TREML1: variants seen among roughly 807,000 people sequenced by gnomAD.
TREML1 encodes trem-like transcript 1 protein.
A neutral mutation model predicts 22.8 loss-of-function variants in TREML1; 27 were observed. That is an observed-to-expected ratio of 1.19 (90% CI 0.87 to 1.64). The LOEUF is 1.64. Among genes scored for constraint, TREML1 ranks in the 40% most tolerant of loss-of-function variants. TREML1 has a pLI of 0.00. For missense variants in TREML1, 356 were observed against 382.0 expected, an observed-to-expected ratio of 0.93 and a Z score of 0.57; for synonymous variants, 153 against 161.9, an observed-to-expected ratio of 0.94 and a Z score of 0.42.
In TREML1 at chr6:41,149,502, T is replaced by A; in HGVS notation, c.*102A>T. On this transcript the variant is annotated 3_prime_UTR_variant, in exon 6 of 6. Coordinates refer to ENST00000426005, the MANE Select transcript of TREML1 (RefSeq NM_178174.4). ...ACATTGGATTAGATCTTAAAGTCCC[T>A]GGTTGCTCAGATATCCTAAGGATCC... 1 of 1,263,684 alleles carries A rather than the reference T, an allele frequency of 7.9e-7. No individual in the cohort carries two copies. Among genetic ancestry groups the A allele is most frequent in the Non-Finnish European group, 1.1e-6 (1 of 902,950 alleles). 78.3% of individuals were successfully genotyped at this position (1,263,684 alleles called of 1,614,324 possible).
chr6:41,149,329 C>T, downstream of TREML1: 1 of 345,536 alleles, frequency 2.9e-6, no homozygotes, highest in East Asian at 4.8e-5. Context: ...CTTTCCCATT[C>T]AGCCATTAAG....
intron 3 of TREML1, 126 bp from the exon 4 acceptor site, chr6:41,151,033 G>T: frequency 1.2e-6 from 1 of 842,658 alleles, no homozygotes; most frequent in Middle Eastern, 2.4e-4. Context: ...AATAGAATGA[G>T]GGGAGCTGAC....
rs2113871017 is a variant in TREML1 at position 41,153,849 on chromosome 6, C to T, written c.285G>A (p.Gln95=). ...GLLQVEMVTL[Q]EEDAGEYGCM... Reference sequence around the variant, plus strand: ...AGCCATACTCGCCAGCATCCTCTTCCTGCAGGGTAACCATTTCCACCTGCA... The same window carrying T: ...AGCCATACTCGCCAGCATCCTCTTCTTGCAGGGTAACCATTTCCACCTGCA... The change falls in exon 2 of 6, where the codon CAG becomes CAA. Residue 95 remains glutamine, a synonymous_variant. Coordinates refer to ENST00000426005, the MANE Select transcript of TREML1 (RefSeq NM_178174.4). The T allele has an allele frequency of 1.2e-6, 2 of 1,614,208 alleles. No individual in the cohort carries two copies. The highest frequency in any genetic ancestry group is 1.3e-5 in the African/African-American group (1 of 75,050).
intron 4 of TREML1, 76 bp downstream of exon 4, chr6:41,150,743 A>G: frequency 7.5e-7 from 1 of 1,330,574 alleles, no homozygotes; most frequent in Non-Finnish European, 1.1e-6. Context: ...TTGGACCTAG[A>G]CTCCTGGCCT....
At position 41,149,656 on chromosome 6, in the gene TREML1, G is replaced by GTCCCTCCACCCTTGT; in HGVS notation, c.869_883dup (p.Asn290_Gly294dup). ...TGGATTCTGGGCTGGCCCACACGAG[G>GTCCCTCCACCCTTGT]TCCCTCCACCCTTGTTCCCTCCCGG... On this transcript the variant is annotated inframe_insertion, in exon 6 of 6. Transcript: ENST00000426005. 1.2e-6 allele frequency: 2 copies of GTCCCTCCACCCTTGT among 1,614,066 alleles called. No individual in the cohort carries two copies. The highest frequency in any genetic ancestry group is 1.7e-6 in the Non-Finnish European group (2 of 1,179,984).
chr6:41,150,174 T>G (rs2113865569), intron 5 of TREML1, 87 bp downstream of exon 5: 1 of 1,462,494 alleles, frequency 6.8e-7, no homozygotes, highest in East Asian at 2.3e-5. Context: ...CAGTCCTTTC[T>G]CCACCCCATC....
At chr6:41,154,907 T>C (rs1011336537), upstream of TREML1, among the ~76,000 whole-genome samples, 1 of 152,162 alleles carries the variant, frequency 6.6e-6, no homozygotes, top group Non-Finnish European at 1.5e-5. Flanking sequence ...TACATGTCCA[T>C]TTTCTTCTCC....
chr6:41,155,375 T>TTTTCTCTCTCTCTCTCTCTC (rs1765393338), upstream of TREML1, among the ~76,000 whole-genome samples: 1 of 136,726 alleles, frequency 7.3e-6, no homozygotes, highest in African/African-American at 3.0e-5. Flanking sequence ...GAGTAAACGT[T>TTTTCTCTCTCTCTCTCTCTC]TCTCTCTCTC....
chr6:41,150,228 G>A (rs772732303), intron 5 of TREML1, 33 bp downstream of exon 5: 7 of 1,611,402 alleles, frequency 4.3e-6, no homozygotes, highest in East Asian at 2.2e-5. Context: ...AAAGTCTGGG[G>A]AATTTGGCTG....
chr6:41,151,019 A>T, intron 3 of TREML1, 112 bp from the exon 4 acceptor site: 2 of 897,376 alleles, frequency 2.2e-6, no homozygotes, highest in South Asian at 2.9e-5. Flanking sequence ...GGAGAGGGAG[A>T]TGAAATAGAA....
At chr6:41,152,455 A>G (rs1765283458) in intron 2 of TREML1, among the ~76,000 whole-genome samples, 1 of 152,166 alleles carries the variant, frequency 6.6e-6, no homozygotes, top group Admixed American at 6.5e-5. Context: ...GTGTCAAGGA[A>G]TGAGGAGGGC....
chr6:41,153,758 C>G lies in TREML1; in HGVS notation c.376G>C (p.Glu126Gln). 6.2e-7 allele frequency: 1 copy of G among 1,601,676 alleles called. No homozygotes were observed. The highest frequency in any genetic ancestry group is 8.5e-7 in the Non-Finnish European group (1 of 1,172,906). Reference protein sequence around the residue: ...HRVSLNILPPEEEEETHKIGS... With the variant: ...HRVSLNILPPQEEEETHKIGS... ...TGGTAGCTGGCCTAGGATAACTCAC[C>G]TGGGGGCAGTATGTTCAGAGAGACT... Residue 126 changes from glutamate (E) to glutamine (Q), a missense_variant and splice_region_variant, in exon 2 of 6, where the codon GAG (glutamate) becomes CAG (glutamine). Coordinates refer to ENST00000426005, the MANE Select transcript of TREML1 (RefSeq NM_178174.4).
Position 41,153,833 on chromosome 6 carries a change from C to A in TREML1, c.301G>T (p.Glu101Ter). 6.2e-7 allele frequency: 1 copy of A among 1,614,176 alleles called. No homozygotes were observed. Among genetic ancestry groups the A allele is most frequent in the Non-Finnish European group, 8.5e-7 (1 of 1,180,010 alleles). The change falls in exon 2 of 6, where the codon GAG becomes TAG. Residue 101 changes from glutamate (E) to a stop codon, truncating the protein, a stop_gained. Coordinates refer to ENST00000426005, the MANE Select transcript of TREML1 (RefSeq NM_178174.4). LOFTEE classifies it high-confidence loss of function. ...GCCCCATCCACCATGCAGCCATACT[C>A]GCCAGCATCCTCTTCCTGCAGGGTA... ...MVTLQEEDAG[E>*]YGCMVDGARG... is the part of the protein sequence containing the mutation.
rs898599516 is a variant in TREML1, at chr6:41,153,960, C to T, written c.174G>A (p.Gly58=). 1.2e-6 allele frequency: 2 copies of T among 1,614,082 alleles called. No individual in the cohort carries two copies. The highest frequency in any genetic ancestry group is 2.7e-5 in the African/African-American group (2 of 74,940). Residue 58 remains glycine (G), a synonymous_variant, in exon 2 of 6, where the codon GGG becomes GGA. Coordinates refer to ENST00000426005, the MANE Select transcript of TREML1 (RefSeq NM_178174.4). ...QKVWCRFLPE[G]CQPLVSSAVD... The stretch of plus-strand genomic sequence containing the variant: ...CAGCTGAGGACACCAGGGGCTGGCA[C>T]CCCTCCGGCAAGAACCGGCACCACA...
rs1649571095 is a variant in TREML1, at chr6:41,149,914, G to C, written c.626C>G (p.Pro209Arg). 1.9e-6 allele frequency: 3 copies of C among 1,610,788 alleles called. No individual in the cohort carries two copies. In the African/African-American group the frequency reaches 4.0e-5, roughly 22 times the overall value. ...ACTGACGTGGTGGACCACTGAGGAG[G>C]GATTCTGTAACAAAAGCAGGCAAGT... Reference protein sequence around the residue: ...FLSSRVSGMNPSSVVHHVSDS... With the variant: ...FLSSRVSGMNRSSVVHHVSDS... The change falls in exon 6 of 6, where the codon CCC (proline) becomes CGC (arginine). Residue 209 changes from proline (P) to arginine (R), a missense_variant. Physicochemically the swap from Pro to Arg is moderately radical, Grantham distance 103 (BLOSUM62 -2). Transcript: ENST00000426005.
rs1765365844 is a variant in TREML1, at chr6:41,154,275, A to C, written c.14T>G (p.Leu5Arg). The change falls in exon 1 of 6, where the codon CTG becomes CGG. Residue 5 changes from leucine to arginine, a missense_variant. Physicochemically the swap from Leu to Arg is moderately radical, Grantham distance 102 (BLOSUM62 -2). Transcript: ENST00000426005. ...TAGTCCCAGGAGCAGCAGCAAGAGC[A>C]GGGTGAGGCCCATGGCTGGGCAGAG... Reference protein sequence around the residue: MGLTLLLLLLLGLEG... With the variant: MGLTRLLLLLLGLEG... 1 of 1,613,974 alleles carries C rather than the reference A, an allele frequency of 6.2e-7. No individual in the cohort carries two copies. Among genetic ancestry groups the C allele is most frequent in the African/African-American group, 1.3e-5 (1 of 74,948 alleles).
In TREML1 at chr6:41,153,279, G is replaced by T. The variant is rs145873238; in HGVS notation, c.376+479C>A. Among the ~76,000 whole-genome samples the T allele has an allele frequency of 3.9e-3, 574 of 146,088 alleles. 9 individuals are homozygous for T. The South Asian group carries it at 0.055, about 14-fold the overall frequency. ...AGGCACTGAATGTACCTACTTGTAG[G>T]TGAGACATACTAGATGGCCTGTGAA... On this transcript the variant is annotated intron_variant, in intron 2 of 5. Transcript: ENST00000426005.
intron 4 of TREML1, among the ~76,000 whole-genome samples, chr6:41,150,524 C>T (rs955012285): frequency 1.3e-5 from 2 of 152,132 alleles, no homozygotes; most frequent in Non-Finnish European, 2.9e-5. Flanking sequence ...CTTCAACCCA[C>T]CTCAGCGCTC....
chr6:41,155,072 G>T, upstream of TREML1, among the ~76,000 whole-genome samples: 1 of 150,880 alleles, frequency 6.6e-6, no homozygotes, highest in African/African-American at 2.4e-5. Context: ...TTCTATTTTT[G>T]TCTTTTAAAA....
Sources: allele counts gnomAD v4.1 joint callset (sites outside exome capture counted in the v4.1 genomes callset), GRCh38; gene constraint gnomAD v4.1.1; transcripts MANE v1.5; gene names NCBI Gene and HGNC (gene_info 2026-07-23, HGNC 2026-07-21).